Variants in FSTL5 observed in about 807,000 individuals in gnomAD.
FSTL5 encodes follistatin-related protein 5.
In FSTL5, 62 loss-of-function variants were observed where a neutral mutation model predicts 89.1. The observed-to-expected ratio is 0.70, with a 90% CI of 0.57 to 0.86. The LOEUF (loss-of-function observed/expected upper bound fraction) is 0.86, where lower values mean the gene tolerates loss of function less well. Ranked by LOEUF, FSTL5 falls within the 40% of genes least tolerant of loss-of-function variation. The pLI, the probability that FSTL5 is intolerant of heterozygous loss-of-function variation, is 0.00. For synonymous variants in FSTL5, 383 were observed against 346.2 expected (o/e 1.11, Z -1.18); for missense variants, 1,057 against 1,001.6 (o/e 1.06, Z -0.75).
intron 5 of FSTL5, among the ~76,000 whole-genome samples, chr4:161,766,809 C>A (rs986125609): frequency 6.6e-6 from 1 of 151,776 alleles, no homozygotes; most frequent in African/African-American, 2.4e-5. Context: ...TTTATGTTTC[C>A]CAAGCAAGTC....
At chr4:162,003,584 T>C (rs1736528547) in intron 3 of FSTL5, among the ~76,000 whole-genome samples, 1 of 152,166 alleles carries the variant, frequency 6.6e-6, no homozygotes, top group Non-Finnish European at 1.5e-5. Flanking sequence ...GAGGAAAGGT[T>C]AGTGTTTTAC....
Position 162,008,519 on chromosome 4 carries a change from A to G in FSTL5, c.160+25106T>C, listed in dbSNP as rs146901918. On this transcript the variant is annotated intron_variant, in intron 3 of 15. Transcript: ENST00000306100. ...CGTTATTTTAATTTTTAATCTGGAG[A>G]TGGTCTAAAACTCATGCACCATTCT... 4.6e-3 allele frequency among the ~76,000 whole-genome samples: 703 copies of G among 151,942 alleles called. 5 individuals carry two copies. The highest frequency in any genetic ancestry group is 0.016 in the African/African-American group (676 of 41,518).
At chr4:161,591,073 A>G (rs992492533) in intron 7 of FSTL5, among the ~76,000 whole-genome samples, 2 of 152,240 alleles carry the variant, frequency 1.3e-5, no homozygotes, top group Admixed American at 1.3e-4. Flanking sequence ...CTATATCTAT[A>G]CAATGGAGTA....
At chr4:162,161,586 T>A (rs1361751648) in intron 1 of FSTL5, among the ~76,000 whole-genome samples, 1 of 151,972 alleles carries the variant, frequency 6.6e-6, no homozygotes, top group Non-Finnish European at 1.5e-5. Flanking sequence ...TTAAATTTCA[T>A]CTTAAAGAAT....
intron 11 of FSTL5, among the ~76,000 whole-genome samples, chr4:161,500,820 C>T (rs991683986): frequency 6.6e-6 from 1 of 151,958 alleles, no homozygotes; most frequent in African/African-American, 2.4e-5. Context: ...AATTCATCTC[C>T]CCCCACTTTC....
At chr4:161,904,419 C>A (rs1325786185) in intron 4 of FSTL5, among the ~76,000 whole-genome samples, 1 of 151,720 alleles carries the variant, frequency 6.6e-6, no homozygotes, top group Admixed American at 6.6e-5. Flanking sequence ...AAAATGCAAC[C>A]CAATATTGAT....
chr4:161,889,660 C>T (rs1732925677), intron 4 of FSTL5, among the ~76,000 whole-genome samples: 1 of 152,034 alleles, frequency 6.6e-6, no homozygotes, highest in Admixed American at 6.6e-5. Context: ...AAATAAATAA[C>T]ACGAATTATT....
intron 2 of FSTL5, among the ~76,000 whole-genome samples, chr4:162,079,308 T>C (rs980378609): frequency 2.6e-5 from 4 of 151,676 alleles, no homozygotes; most frequent in African/African-American, 7.3e-5. Context: ...TCTACATGTC[T>C]ATTTCTGGGC....
intron 3 of FSTL5, among the ~76,000 whole-genome samples, chr4:161,988,154 G>T (rs367856962): frequency 6.3e-4 from 96 of 151,276 alleles, no homozygotes; most frequent in African/African-American, 2.3e-3. Flanking sequence ...TGCAAAATTG[G>T]CAAGGTAAAT....
intron 7 of FSTL5, among the ~76,000 whole-genome samples, chr4:161,617,950 C>T (rs1734957622): frequency 6.6e-6 from 1 of 151,968 alleles, no homozygotes; most frequent in South Asian, 2.1e-4. Flanking sequence ...TCTTCCTACC[C>T]ATGAGCATGG....
chr4:162,089,140 C>G (rs1036493035), intron 2 of FSTL5, among the ~76,000 whole-genome samples: 1 of 152,060 alleles, frequency 6.6e-6, no homozygotes, highest in Middle Eastern at 3.2e-3. Context: ...CTCTTGCCTT[C>G]CATGGGATGA....
intron 6 of FSTL5, among the ~76,000 whole-genome samples, chr4:161,681,989 T>C (rs1190760702): frequency 6.6e-6 from 1 of 152,162 alleles, no homozygotes; most frequent in Non-Finnish European, 1.5e-5. Context: ...GTAGATGGTA[T>C]AGTCAATTGC....
At chr4:161,669,919 GA>G (rs1172302927) in intron 6 of FSTL5, among the ~76,000 whole-genome samples, 2 of 151,278 alleles carry the variant, frequency 1.3e-5, no homozygotes, top group East Asian at 1.9e-4. Flanking sequence ...ATGTACACAA[GA>G]AAAAAAGACA....
chr4:161,518,430 A>G (rs754254573), intron 10 of FSTL5, among the ~76,000 whole-genome samples: 2 of 152,176 alleles, frequency 1.3e-5, no homozygotes, highest in Non-Finnish European at 2.9e-5. Context: ...TTAAGAAGGT[A>G]TGACATGGAA....
chr4:161,799,553 T>C (rs752790120), intron 4 of FSTL5, among the ~76,000 whole-genome samples: 2 of 151,726 alleles, frequency 1.3e-5, no homozygotes, highest in Non-Finnish European at 3.0e-5. Flanking sequence ...TGACATCTTA[T>C]TCACCTAGTC....
At chr4:161,859,789 G>A (rs1731842160) in intron 4 of FSTL5, among the ~76,000 whole-genome samples, 1 of 152,150 alleles carries the variant, frequency 6.6e-6, no homozygotes, top group African/African-American at 2.4e-5. Flanking sequence ...GTGCTATTAT[G>A]TTCATGTGCA....
At chr4:161,698,049 G>A (rs1738237551) in intron 6 of FSTL5, among the ~76,000 whole-genome samples, 2 of 151,980 alleles carry the variant, frequency 1.3e-5, no homozygotes, top group Admixed American at 1.3e-4. Context: ...TAGGAGATGA[G>A]GCCTTTGGTA....
chr4:161,871,695 A>C (rs1732267636), intron 4 of FSTL5, among the ~76,000 whole-genome samples: 1 of 152,210 alleles, frequency 6.6e-6, no homozygotes, highest in African/African-American at 2.4e-5. Context: ...ATCTGCAGAC[A>C]GATTATTTCT....
intron 15 of FSTL5, among the ~76,000 whole-genome samples, chr4:161,393,294 T>A (rs571020337): frequency 3.5e-4 from 53 of 152,110 alleles, no homozygotes; most frequent in African/African-American, 1.3e-3. Flanking sequence ...AGGTTTTGCA[T>A]GAGTTGGATT....
Sources: gnomAD v4.1 joint callset for allele counts (sites outside exome capture counted in the v4.1 genomes callset) on GRCh38, gnomAD v4.1.1 for gene constraint, MANE v1.5 for transcripts, NCBI Gene and HGNC (gene_info 2026-07-23, HGNC 2026-07-21) for gene names.